RBMS1: variants seen among roughly 807,000 people sequenced by gnomAD.
RBMS1 encodes the protein RNA-binding motif, single-stranded-interacting protein 1.
In RBMS1, 17 loss-of-function variants were observed where a neutral mutation model predicts 62.3. The observed-to-expected ratio is 0.27, with a 90% CI of 0.19 to 0.41. The LOEUF (loss-of-function observed/expected upper bound fraction) is 0.41, where lower values mean the gene tolerates loss of function less well. Ranked by LOEUF, RBMS1 falls within the 10% of genes least tolerant of loss-of-function variation. RBMS1 has a pLI of 1.00. For missense variants in RBMS1, 334 were observed against 504.5 expected (o/e 0.66, Z 3.24); for synonymous variants, 172 against 170.0 (o/e 1.01, Z -0.09).
intron 1 of RBMS1, among the ~76,000 whole-genome samples, chr2:160,380,306 T>C (rs944968841): frequency 3.3e-5 from 5 of 152,038 alleles, no homozygotes. Context: ...CCAGTGGGCT[T>C]TCCAGAACAG....
intron 1 of RBMS1, among the ~76,000 whole-genome samples, chr2:160,451,637 C>T (rs1281222579): frequency 3.9e-5 from 6 of 151,978 alleles, no homozygotes; most frequent in Non-Finnish European, 8.8e-5. Flanking sequence ...TTGACAGAGT[C>T]TTGCTCTGTC....
intron 7 of RBMS1, 35 bp from the exon 8 acceptor site, chr2:160,285,079 T>A: frequency 1.9e-6 from 3 of 1,584,766 alleles, no homozygotes; most frequent in Non-Finnish European, 2.6e-6. Context: ...AACATTCATC[T>A]AGAAAGGCAT....
intron 1 of RBMS1, among the ~76,000 whole-genome samples, chr2:160,391,801 A>C (rs1287912339): frequency 1.3e-5 from 2 of 152,120 alleles, no homozygotes; most frequent in Admixed American, 6.5e-5. Context: ...AACATGGCGA[A>C]ACCCTGTCTC....
intron 1 of RBMS1, among the ~76,000 whole-genome samples, chr2:160,481,011 G>A (rs1217134626): frequency 6.6e-6 from 1 of 151,000 alleles, no homozygotes; most frequent in African/African-American, 2.4e-5. Flanking sequence ...AACCTGGGAG[G>A]CAGAGGTTGC....
chr2:160,473,525 A>G lies in RBMS1; in HGVS notation c.75+19764T>C, dbSNP rs947814938. On this transcript the variant is annotated intron_variant, in intron 1 of 13. Transcript: ENST00000348849. ...AAGGAGGAAGGAAAGGCAGAGAAAC[A>G]TAGGATAAAAGGTAGTACATTCCTA... is the stretch of plus-strand genomic sequence containing the variant. Among the ~76,000 whole-genome samples, 158 of 152,326 alleles carry G rather than the reference A, an allele frequency of 1.0e-3. 2 individuals are homozygous for G. The highest frequency in any genetic ancestry group is 6.2e-4 in the Non-Finnish European group (42 of 68,014).
intron 1 of RBMS1, among the ~76,000 whole-genome samples, chr2:160,379,172 G>A (rs1005136515): frequency 3.3e-5 from 5 of 151,434 alleles, no homozygotes; most frequent in Admixed American, 3.3e-4. Flanking sequence ...TGATCAGAGT[G>A]TGCACCATTG....
intron 1 of RBMS1, among the ~76,000 whole-genome samples, chr2:160,377,090 G>GT (rs138453540): frequency 0.098 from 14,540 of 148,290 alleles, 943 homozygotes; most frequent in East Asian, 0.26. Flanking sequence ...GGCTTGCTGG[G>GT]TTTTTTTTTT....
intron 1 of RBMS1, among the ~76,000 whole-genome samples, chr2:160,447,000 T>C (rs563885906): frequency 6.6e-6 from 1 of 152,372 alleles, no homozygotes; most frequent in East Asian, 1.9e-4. Context: ...AACTAATGCT[T>C]ACTCCAGGCA....
chr2:160,291,067 C>G (rs1688654804), intron 6 of RBMS1, among the ~76,000 whole-genome samples: 1 of 152,198 alleles, frequency 6.6e-6, no homozygotes, highest in Non-Finnish European at 1.5e-5. Context: ...TCTGAGTAAG[C>G]ACTGTAGCTC....
intron 1 of RBMS1, among the ~76,000 whole-genome samples, chr2:160,438,644 C>T (rs1232495845): frequency 6.6e-6 from 1 of 152,156 alleles, no homozygotes; most frequent in East Asian, 1.9e-4. Flanking sequence ...AATGAAAAGT[C>T]TCCCATGTCT....
At chr2:160,404,893 T>C (rs1421405304) in intron 1 of RBMS1, among the ~76,000 whole-genome samples, 1 of 152,208 alleles carries the variant, frequency 6.6e-6, no homozygotes, top group Admixed American at 6.5e-5. Context: ...ATAAGTTCTC[T>C]ATGGGTTGCT....
Position 160,493,704 on chromosome 2 carries a change from T to G in RBMS1, c.-341A>C. The G allele has an allele frequency of 2.2e-5, 8 of 361,104 alleles. No homozygotes were observed. The highest frequency in any genetic ancestry group is 4.2e-5 in the Admixed American group (1 of 23,848). The allele number at this position is 361,104 out of a possible 1,614,324, so 22.4% of individuals were successfully genotyped here. On this transcript the variant is annotated 5_prime_UTR_variant, in exon 1 of 14. Coordinates refer to ENST00000348849, the MANE Select transcript of RBMS1 (RefSeq NM_016836.4). ...CCGGGGCTGCCAAGGGCTGGCGCGC[T>G]GGCCGCGGTCCGCTCGGGCGAGCCG... is the stretch of plus-strand genomic sequence containing the variant.
intron 6 of RBMS1, among the ~76,000 whole-genome samples, chr2:160,288,201 G>A (rs1173853614): frequency 1.3e-5 from 2 of 152,022 alleles, no homozygotes; most frequent in Non-Finnish European, 2.9e-5. Flanking sequence ...CTTCCTGTCT[G>A]GTTCCCACAT....
chr2:160,437,467 A>C (rs1683155250), intron 1 of RBMS1, among the ~76,000 whole-genome samples: 1 of 152,220 alleles, frequency 6.6e-6, no homozygotes, highest in Non-Finnish European at 1.5e-5. Flanking sequence ...AGAAATGTCA[A>C]CACTCCAATC....
chr2:160,386,661 C>A (rs1694594133), intron 1 of RBMS1, among the ~76,000 whole-genome samples: 1 of 152,106 alleles, frequency 6.6e-6, no homozygotes, highest in Admixed American at 6.6e-5. Context: ...GCTCTCTCTG[C>A]CACATGAAAA....
At chr2:160,275,401 G>A (rs967641080) in intron 13 of RBMS1, 3 of 634,428 alleles carry the variant, frequency 4.7e-6, no homozygotes, top group Middle Eastern at 5.8e-4. Flanking sequence ...TTTTAGTGGG[G>A]AGAGTATACA....
At chr2:160,492,896 C>G (rs1033024180) in intron 1 of RBMS1, 11 of 183,210 alleles carry the variant, frequency 6.0e-5, no homozygotes, top group Non-Finnish European at 7.9e-5. Flanking sequence ...CAGGGCGAGG[C>G]CCTTGGAGAA....
chr2:160,321,484 G>A (rs1233205586), intron 2 of RBMS1, among the ~76,000 whole-genome samples: 1 of 152,040 alleles, frequency 6.6e-6, no homozygotes, highest in Non-Finnish European at 1.5e-5. Flanking sequence ...CCTTGTGTGT[G>A]TATGTGTTTT....
At position 160,468,820 on chromosome 2, in the gene RBMS1, G is replaced by C. The variant is rs140734790; in HGVS notation, c.75+24469C>G. Among the ~76,000 whole-genome samples the C allele has an allele frequency of 2.0e-5, 3 of 152,292 alleles. No homozygotes were observed. The East Asian group carries it at 5.8e-4, about 29-fold the overall frequency. ...TTGGTCAAGAGAGATTCAAACTCTT[G>C]CATGAAAGGAAGTATCAGGGGTTAG... On this transcript the variant is annotated intron_variant, in intron 1 of 13. Transcript: ENST00000348849.
Sources: allele counts gnomAD v4.1 joint callset (sites outside exome capture counted in the v4.1 genomes callset), GRCh38; gene constraint gnomAD v4.1.1; transcripts MANE v1.5; gene names NCBI Gene and HGNC (gene_info 2026-07-23, HGNC 2026-07-21).